Variants in RANBP2 observed in about 807,000 individuals in gnomAD.
RANBP2 encodes the protein E3 SUMO-protein ligase RanBP2.
Under a neutral mutation model 303.6 loss-of-function variants are expected in RANBP2, and 57 were observed. The ratio of observed to expected loss-of-function variants is 0.19; its 90% CI spans 0.15 to 0.23. The LOEUF (loss-of-function observed/expected upper bound fraction) is 0.23, where lower values mean the gene tolerates loss of function less well. Ranked by LOEUF, RANBP2 falls within the 10% of genes least tolerant of loss-of-function variation. The probability of loss-of-function intolerance (pLI) is 1.00; values close to 1 mark genes in which losing one functional copy is unlikely to be tolerated. For synonymous variants in RANBP2, 1,167 were observed against 1,301.5 expected, an observed-to-expected ratio of 0.90 and a Z score of 2.23; for missense variants, 3,138 against 3,780.8, an observed-to-expected ratio of 0.83 and a Z score of 4.46.
the RANBP2 span, among the ~76,000 whole-genome samples, chr2:108,837,011 A>C: frequency 6.6e-6 from 1 of 151,776 alleles, no homozygotes; most frequent in Non-Finnish European, 1.5e-5. Context: ...GAGAAGAGAG[A>C]TGATTTTACT....
the RANBP2 span, among the ~76,000 whole-genome samples, chr2:109,375,045 G>T: frequency 6.6e-6 from 1 of 152,244 alleles, no homozygotes; most frequent in African/African-American, 2.4e-5. Flanking sequence ...TTCAGAGGAG[G>T]TGGACCCCGC....
chr2:109,442,400 G>T, the RANBP2 span, among the ~76,000 whole-genome samples: 1 of 151,708 alleles, frequency 6.6e-6, no homozygotes, highest in Non-Finnish European at 1.5e-5. Context: ...AGATGAAAAT[G>T]AAGATCTATA....
chr2:109,207,489 A>T, the RANBP2 span, among the ~76,000 whole-genome samples: 2 of 152,176 alleles, frequency 1.3e-5, no homozygotes, highest in Non-Finnish European at 2.9e-5. Flanking sequence ...ATGCAGCAGA[A>T]CCATCTGCCT....
At chr2:109,583,817 C>T in the RANBP2 span, among the ~76,000 whole-genome samples, 1 of 152,112 alleles carries the variant, frequency 6.6e-6, no homozygotes, top group Non-Finnish European at 1.5e-5. Context: ...TAAAAAAGAA[C>T]AAAATCAAGT....
the RANBP2 span, among the ~76,000 whole-genome samples, chr2:109,421,348 C>T: frequency 1.3e-5 from 2 of 152,248 alleles, no homozygotes; most frequent in African/African-American, 4.8e-5. Flanking sequence ...GTAGCTGCCA[C>T]TTGTTCTATG....
At chr2:109,265,096 T>A in the RANBP2 span, among the ~76,000 whole-genome samples, 37,945 of 151,884 alleles carry the variant, frequency 0.25, 5,091 homozygotes, top group East Asian at 0.46. Flanking sequence ...GCTTAGACTT[T>A]GCCCACTTGA....
chr2:109,459,001 G>A, the RANBP2 span, among the ~76,000 whole-genome samples: 6 of 152,052 alleles, frequency 3.9e-5, no homozygotes, highest in African/African-American at 7.2e-5. Context: ...TCCACATAAA[G>A]ACAAAAGCAA....
the RANBP2 span, among the ~76,000 whole-genome samples, chr2:109,262,704 T>G: frequency 6.6e-6 from 1 of 152,254 alleles, no homozygotes; most frequent in African/African-American, 2.4e-5. Context: ...CAGGAGATAA[T>G]TCTTTATCCG....
chr2:109,445,020 A>G, the RANBP2 span, among the ~76,000 whole-genome samples: 1 of 152,218 alleles, frequency 6.6e-6, no homozygotes, highest in Admixed American at 6.5e-5. Context: ...CCAATTTGAA[A>G]TTTTGGAGAG....
At chr2:109,469,424 C>CCG in the RANBP2 span, among the ~76,000 whole-genome samples, 1 of 152,170 alleles carries the variant, frequency 6.6e-6, no homozygotes, top group Non-Finnish European at 1.5e-5. Flanking sequence ...ATGCATGCAT[C>CCG]CGCTGCTCTG....
the RANBP2 span, among the ~76,000 whole-genome samples, chr2:108,902,324 G>A: frequency 6.6e-5 from 10 of 152,104 alleles, no homozygotes; most frequent in South Asian, 4.2e-4. Context: ...TGCAGTGAGC[G>A]AGGATTGTGC....
the RANBP2 span, chr2:108,907,955 G>T: frequency 6.2e-7 from 1 of 1,613,612 alleles, no homozygotes; most frequent in Non-Finnish European, 8.5e-7. Context: ...TCAGGGGCGG[G>T]CTCCTCATCA....
chr2:108,802,795 A>G, the RANBP2 span, among the ~76,000 whole-genome samples: 2 of 151,856 alleles, frequency 1.3e-5, no homozygotes, highest in African/African-American at 4.8e-5. Flanking sequence ...TTATTTTGAA[A>G]TACGTCCCAT....
chr2:109,147,560 G>C, the RANBP2 span, among the ~76,000 whole-genome samples: 1 of 152,186 alleles, frequency 6.6e-6, no homozygotes, highest in Non-Finnish European at 1.5e-5. Flanking sequence ...ACCGTAAATG[G>C]TCCAAAAAGA....
At chr2:109,534,513 C>T in the RANBP2 span, among the ~76,000 whole-genome samples, 1 of 152,206 alleles carries the variant, frequency 6.6e-6, no homozygotes, top group African/African-American at 2.4e-5. Flanking sequence ...GACACCGTGG[C>T]TCACACCTGT....
chr2:109,376,297 G>A, the RANBP2 span, among the ~76,000 whole-genome samples: 2 of 152,192 alleles, frequency 1.3e-5, no homozygotes. Flanking sequence ...ACAGGTCCAG[G>A]GTGTGGACGC....
chr2:109,600,304 A>G, the RANBP2 span, among the ~76,000 whole-genome samples: 1 of 152,094 alleles, frequency 6.6e-6, no homozygotes, highest in African/African-American at 2.4e-5. Context: ...TTTCACAGGC[A>G]ATACTACCCC....
At chr2:109,151,180 A>G in the RANBP2 span, among the ~76,000 whole-genome samples, 1 of 152,200 alleles carries the variant, frequency 6.6e-6, no homozygotes, top group Non-Finnish European at 1.5e-5. Context: ...TGCAATGAAT[A>G]TATTGAAAAT....
At chr2:109,423,633 C>G in the RANBP2 span, among the ~76,000 whole-genome samples, 2 of 152,190 alleles carry the variant, frequency 1.3e-5, no homozygotes, top group Admixed American at 1.3e-4. Flanking sequence ...GAACGAAGGC[C>G]TGGATCAGCG....
Sources: gnomAD v4.1 joint callset for allele counts (sites outside exome capture counted in the v4.1 genomes callset) on GRCh38, gnomAD v4.1.1 for gene constraint, MANE v1.5 for transcripts, NCBI Gene and HGNC (gene_info 2026-07-23, HGNC 2026-07-21) for gene names.